The following MMP26 variants were observed in gnomAD, a reference collection of about 807,000 sequenced individuals.
The protein encoded by MMP26 is matrix metalloproteinase-26.
Under a neutral mutation model 31.0 loss-of-function variants are expected in MMP26, and 33 were observed. The observed-to-expected ratio is 1.06, with a 90% CI of 0.81 to 1.42. The LOEUF is 1.42. Ranked by LOEUF, MMP26 falls within the 40% of genes most tolerant of loss-of-function variation. The probability of loss-of-function intolerance (pLI) is 0.00; values close to 1 mark genes in which losing one functional copy is unlikely to be tolerated. For missense variants in MMP26, 347 were observed against 316.1 expected (o/e 1.10, Z -0.74); for synonymous variants, 122 against 114.9 (o/e 1.06, Z -0.40).
chr11:4,810,385 G>C (rs919441011), intron 2 of MMP26, among the ~76,000 whole-genome samples: 1 of 152,146 alleles, frequency 6.6e-6, no homozygotes, highest in Admixed American at 6.6e-5. Flanking sequence ...CATATAAGAG[G>C]AGTATTTGTG....
At chr11:4,779,558 T>C (rs1848832089) in intron 2 of MMP26, among the ~76,000 whole-genome samples, 1 of 152,094 alleles carries the variant, frequency 6.6e-6, no homozygotes, top group Non-Finnish European at 1.5e-5. Context: ...TTTTTTATTT[T>C]ATTGTTCTAT....
At chr11:4,725,314 T>G (rs964972643) in intron 1 of MMP26, among the ~76,000 whole-genome samples, 71 of 152,202 alleles carry the variant, frequency 4.7e-4, no homozygotes, top group African/African-American at 1.4e-3. Context: ...AATTTGAGAC[T>G]GTTTTTTTTC....
At chr11:4,815,711 A>C (rs1366981762) in intron 2 of MMP26, among the ~76,000 whole-genome samples, 2 of 152,202 alleles carry the variant, frequency 1.3e-5, no homozygotes, top group Non-Finnish European at 2.9e-5. Flanking sequence ...ATGATAACCA[A>C]GTATGAATTA....
chr11:4,940,222 A>G (rs527462547), intron 2 of MMP26, among the ~76,000 whole-genome samples: 3 of 152,186 alleles, frequency 2.0e-5, no homozygotes, highest in Non-Finnish European at 2.9e-5. Flanking sequence ...CTTAAGGTAG[A>G]ATCATGTGAT....
chr11:4,714,258 A>G (rs1323116826), intron 1 of MMP26, among the ~76,000 whole-genome samples: 1 of 152,016 alleles, frequency 6.6e-6, no homozygotes, highest in Non-Finnish European at 1.5e-5. Flanking sequence ...GTGGAAATCT[A>G]TTTTCTGAAA....
At chr11:4,835,203 GACACAC>G (rs3064937) in intron 2 of MMP26, among the ~76,000 whole-genome samples, 38 of 143,124 alleles carry the variant, frequency 2.7e-4, no homozygotes, top group Non-Finnish European at 3.8e-4. Context: ...CTCTCTTTCT[GACACAC>G]ACACACACAC....
intron 2 of MMP26, among the ~76,000 whole-genome samples, chr11:4,982,511 C>T (rs531363133): frequency 6.6e-6 from 1 of 152,154 alleles, no homozygotes; most frequent in Admixed American, 6.5e-5. Flanking sequence ...CTCTAAATTT[C>T]GACAAATTAC....
chr11:4,793,145 A>T (rs2133444327), intron 2 of MMP26, among the ~76,000 whole-genome samples: 1 of 152,322 alleles, frequency 6.6e-6, no homozygotes, highest in Admixed American at 6.5e-5. Flanking sequence ...TTTTACATAA[A>T]TAATCTCATT....
chr11:4,810,973 A>G (rs879722847), intron 2 of MMP26, among the ~76,000 whole-genome samples: 2 of 152,214 alleles, frequency 1.3e-5, no homozygotes, highest in Admixed American at 6.5e-5. Flanking sequence ...CATGGATACA[A>G]TTACCAAGGT....
chr11:4,907,764 AC>A (rs1330665101), intron 2 of MMP26: 1 of 1,614,142 alleles, frequency 6.2e-7, no homozygotes, highest in Admixed American at 1.7e-5. Context: ...CCCTTAAGAT[AC>A]AGTTCTATCC....
chr11:4,968,635 A>G (rs1237561704), intron 2 of MMP26, among the ~76,000 whole-genome samples: 2 of 152,024 alleles, frequency 1.3e-5, no homozygotes, highest in African/African-American at 4.8e-5. Context: ...GTTTTCTAGT[A>G]GATTACTAAA....
chr11:4,992,171 T>G, intron 7 of MMP26, 43 bp from the exon 8 acceptor site: 1 of 1,591,992 alleles, frequency 6.3e-7, no homozygotes, highest in Non-Finnish European at 8.5e-7. Flanking sequence ...GCAGGAAAAT[T>G]TCACCTGAAA....
chr11:4,899,105 A>G (rs11034574), intron 2 of MMP26, among the ~76,000 whole-genome samples: 38,200 of 151,934 alleles, frequency 0.25, 5,466 homozygotes, highest in East Asian at 0.59. Context: ...ACTGGATGAG[A>G]CAAGTTCATT....
At chr11:4,913,901 A>T (rs1589937128) in intron 2 of MMP26, 1 of 152,106 alleles carries the variant, frequency 6.6e-6, no homozygotes, top group Non-Finnish European at 1.5e-5. Context: ...CTCAGGGAAA[A>T]CTTTTCTGAT....
intron 2 of MMP26, chr11:4,769,910 A>T (rs1848693401): frequency 6.3e-7 from 1 of 1,588,390 alleles, no homozygotes; most frequent in South Asian, 1.1e-5. Flanking sequence ...GTTGCTTAGG[A>T]TTTCCATGGT....
intron 2 of MMP26, among the ~76,000 whole-genome samples, chr11:4,933,327 A>C (rs943935151): frequency 2.0e-5 from 3 of 152,116 alleles, no homozygotes; most frequent in African/African-American, 4.8e-5. Context: ...GAAGTAGTAA[A>C]AAGGCGGACA....
At chr11:4,848,904 G>A (rs745408322) in intron 2 of MMP26, 3 of 1,614,034 alleles carry the variant, frequency 1.9e-6, no homozygotes, top group Non-Finnish European at 2.5e-6. Flanking sequence ...GCAGGCTGAG[G>A]CAGGGACAGT....
At chr11:4,927,304 A>G (rs1272978902) in intron 2 of MMP26, among the ~76,000 whole-genome samples, 1 of 152,188 alleles carries the variant, frequency 6.6e-6, no homozygotes, top group Non-Finnish European at 1.5e-5. Context: ...AGTGCTGTCA[A>G]ATCCACTCTG....
intron 2 of MMP26, among the ~76,000 whole-genome samples, chr11:4,794,603 G>A (rs567652608): frequency 1.4e-4 from 22 of 152,022 alleles, no homozygotes; most frequent in Non-Finnish European, 3.1e-4. Context: ...GTCAGCTCAG[G>A]GACTCTTTAG....
Sources: allele counts gnomAD v4.1 joint callset (sites outside exome capture counted in the v4.1 genomes callset), GRCh38; gene constraint gnomAD v4.1.1; transcripts MANE v1.5; gene names NCBI Gene and HGNC (gene_info 2026-07-23, HGNC 2026-07-21).